Variants in CLUAP1 observed in about 807,000 individuals in gnomAD.
The protein encoded by CLUAP1 is clusterin-associated protein 1.
In CLUAP1, 50 loss-of-function variants were observed where a neutral mutation model predicts 55.0. The ratio of observed to expected loss-of-function variants is 0.91; its 90% confidence interval spans 0.72 to 1.15. The LOEUF is 1.15. CLUAP1 is among the 50% of genes most tolerant of loss of function. The pLI is 0.00. For missense variants in CLUAP1, 530 were observed against 507.6 expected, an observed-to-expected ratio of 1.04 and a Z score of -0.42; for synonymous variants, 195 against 175.4, an observed-to-expected ratio of 1.11 and a Z score of -0.88.
In CLUAP1 at chr16:3,523,255, C is replaced by A. The variant is rs2037875273; in HGVS notation, c.811C>A (p.Gln271Lys). Residue 271 changes from glutamine (Q) to lysine (K), a missense_variant, in exon 8 of 12, where the codon CAA (glutamine) becomes AAA (lysine). Gln to Lys is a moderately conservative substitution (Grantham distance 53). Transcript: ENST00000576634. ...EKFQNLTYLE[Q>K]QLEDHHRMEQ... ...ATTTCAAAATCTGACTTATCTGGAA[C>A]AACAGCTTGAAGACCATCATAGGAT... 1 of 1,613,758 alleles carries A rather than the reference C, an allele frequency of 6.2e-7. No individual in the cohort carries two copies. The highest frequency in any genetic ancestry group is 1.7e-5 in the Admixed American group (1 of 59,928).
chr16:3,501,406 A>C (rs1197999016), intron 1 of CLUAP1, among the ~76,000 whole-genome samples: 1 of 152,274 alleles, frequency 6.6e-6, no homozygotes. Flanking sequence ...GTGTAGCTGC[A>C]TGCCGCTCTT....
At chr16:3,521,804 C>CA (rs2037841373) in intron 7 of CLUAP1, among the ~76,000 whole-genome samples, 1 of 151,614 alleles carries the variant, frequency 6.6e-6, no homozygotes, top group South Asian at 2.1e-4. Context: ...TCTATAATCC[C>CA]AGCACTTTGA....
rs755785058 is a variant in CLUAP1, at chr16:3,508,427, G to A, written c.358G>A (p.Glu120Lys). Residue 120 changes from glutamate (E) to lysine (K), a missense_variant, in exon 4 of 12, where the codon GAG becomes AAG. Coordinates refer to ENST00000576634, the MANE Select transcript of CLUAP1 (RefSeq NM_015041.3). ...TKGMEGSEIV[E>K]EDVNKFKFDL... Reference sequence around the variant, plus strand: ...GGGGATGGAGGGCTCTGAAATAGTAGAGGAAGATGTCAACAAGTTCAAGTT... The same window carrying A: ...GGGGATGGAGGGCTCTGAAATAGTAAAGGAAGATGTCAACAAGTTCAAGTT... The A allele has an allele frequency of 1.3e-6, 2 of 1,587,512 alleles. No homozygotes were observed. The highest frequency in any genetic ancestry group is 3.3e-4 in the Middle Eastern group (2 of 6,028).
In CLUAP1 at chr16:3,515,550, G is replaced by A. The variant is rs1011011156; in HGVS notation, c.538G>A (p.Glu180Lys). Residue 180 changes from glutamate to lysine, a missense_variant, in exon 6 of 12, where the codon GAG becomes AAG. Physicochemically the swap from Glu to Lys is moderately conservative, Grantham distance 56. Transcript: ENST00000576634. ...CATTGCCAGACCTCTGGAAATAAAC[G>A]AGACTGAAAAAGTGATGAGAATTGC... ...EAIARPLEIN[E>K]TEKVMRIAIK... The A allele has an allele frequency of 1.4e-5, 22 of 1,600,678 alleles. No homozygotes were observed. The highest frequency in any genetic ancestry group is 1.7e-4 in the Middle Eastern group (1 of 6,030).
chr16:3,521,243 A>G (rs897520965), intron 7 of CLUAP1, among the ~76,000 whole-genome samples: 2 of 152,006 alleles, frequency 1.3e-5, no homozygotes, highest in African/African-American at 2.4e-5. Context: ...TAAAGCATCA[A>G]TTCATTTTTG....
chr16:3,534,765 G>A (rs1383856322), intron 11 of CLUAP1: 1 of 152,268 alleles, frequency 6.6e-6, no homozygotes, highest in East Asian at 1.9e-4. Context: ...TCTGAGATGG[G>A]GCCGACTTGA....
upstream of CLUAP1, among the ~76,000 whole-genome samples, chr16:3,500,177 G>A (rs2037359951): frequency 6.6e-6 from 1 of 152,130 alleles, no homozygotes; most frequent in Non-Finnish European, 1.5e-5. Context: ...CGGGACCCGC[G>A]CGGCGCGAGC....
chr16:3,495,500 T>C, the CLUAP1 span: 63 of 1,563,474 alleles, frequency 4.0e-5, no homozygotes, highest in East Asian at 1.2e-3. Flanking sequence ...AGGGGGTACA[T>C]TGGCAGGTCT....
Position 3,536,460 on chromosome 16 carries a change from CA to C in CLUAP1, c.*192del. 1.8e-6 allele frequency: 1 copy of C among 550,662 alleles called. No homozygotes were observed. The highest frequency in any genetic ancestry group is 3.0e-5 in the East Asian group (1 of 33,312). 34.1% of individuals were successfully genotyped at this position (550,662 alleles called of 1,614,324 possible). On this transcript the variant is annotated 3_prime_UTR_variant, in exon 12 of 12. Transcript: ENST00000576634. ...CATGAAGCTTAAATAAGAATTGAAG[CA>C]AATCCCTAAGATTTATTTTTTTCCA...
chr16:3,530,334 G>C, intron 9 of CLUAP1: 1 of 443,554 alleles, frequency 2.3e-6, no homozygotes, highest in Non-Finnish European at 4.1e-6. Context: ...GGTCTGTATT[G>C]GTTTGAGTTG....
intron 1 of CLUAP1, among the ~76,000 whole-genome samples, chr16:3,501,492 C>T (rs2037400906): frequency 6.6e-6 from 1 of 152,122 alleles, no homozygotes; most frequent in Admixed American, 6.5e-5. Flanking sequence ...CTTAGAAAAC[C>T]GAACAGCAGG....
intron 4 of CLUAP1, among the ~76,000 whole-genome samples, chr16:3,509,711 C>T (rs547895177): frequency 9.2e-5 from 14 of 152,378 alleles, no homozygotes; most frequent in Non-Finnish European, 1.3e-4. Flanking sequence ...AACCACAGTG[C>T]ACTGGCTGAG....
Position 3,529,533 on chromosome 16 carries a change from GTTATATATTATTATATA to G in CLUAP1, c.929-1006_929-990del, listed in dbSNP as rs1165980583. ...ATTATATAATTATATATTATTATAT[GTTATATATTATTATATA>G]TTATATATTATTATATATTATATAT... On this transcript the variant is annotated intron_variant, in intron 9 of 11. Transcript: ENST00000576634. Among the ~76,000 whole-genome samples, 237 of 36,658 alleles carry G rather than the reference GTTATATATTATTATATA, an allele frequency of 6.5e-3. 8 individuals carry two copies. Among genetic ancestry groups the G allele is most frequent in the African/African-American group, 0.027 (187 of 6,872 alleles). 24.0% of individuals were successfully genotyped at this position (36,658 alleles called of 152,430 possible). A position where few individuals can be genotyped will look rare whatever the true frequency, so the allele number is the denominator to read the frequency against.
At chr16:3,523,340 G>A in intron 8 of CLUAP1, 41 bp downstream of exon 8, 3 of 1,571,698 alleles carry the variant, frequency 1.9e-6, no homozygotes, top group East Asian at 2.3e-5. Flanking sequence ...TCCTTCTGGT[G>A]TGTTATTTTG....
chr16:3,534,440 T>C (rs2038191912), intron 11 of CLUAP1: 1 of 152,812 alleles, frequency 6.5e-6, no homozygotes, highest in Non-Finnish European at 1.5e-5. Context: ...CATGCAGAGC[T>C]TTGCAGGGTG....
rs769586346 is a variant in CLUAP1, at chr16:3,508,348, G to A, written c.279G>A (p.Ala93=). The A allele has an allele frequency of 2.8e-5, 45 of 1,609,616 alleles. 1 individual carries two copies. The highest frequency in any genetic ancestry group is 1.9e-4 in the South Asian group (17 of 89,924). Residue 93 remains alanine (A), a synonymous_variant, in exon 4 of 12, where the codon GCG becomes GCA. Coordinates refer to ENST00000576634, the MANE Select transcript of CLUAP1 (RefSeq NM_015041.3). ...AGCTTTATCAAGCAGATGGGTATGC[G>A]GTAAAAGAGCTGCTGAAGATCACAT... The part of the protein sequence containing the change: ...TKKLYQADGY[A]VKELLKITSV...
In CLUAP1 at chr16:3,536,975, G is replaced by A. The variant is rs1359360209; in HGVS notation, c.*704G>A. Reference sequence around the variant, plus strand: ...GCAGTCCAGTTCACCTTGGATTACAGCCACCTTCATGTTTCCACGGTTGGT... The same window carrying A: ...GCAGTCCAGTTCACCTTGGATTACAACCACCTTCATGTTTCCACGGTTGGT... On this transcript the variant is annotated 3_prime_UTR_variant, in exon 12 of 12. Transcript: ENST00000576634. 1 of 152,170 alleles carries A rather than the reference G, an allele frequency of 6.6e-6. No individual in the cohort carries two copies. Among genetic ancestry groups the A allele is most frequent in the Non-Finnish European group, 1.5e-5 (1 of 68,048 alleles). 9.4% of individuals were successfully genotyped at this position (152,170 alleles called of 1,614,324 possible).
intron 9 of CLUAP1, among the ~76,000 whole-genome samples, chr16:3,529,462 A>ATT (rs2038017768): frequency 2.1e-4 from 16 of 77,750 alleles, no homozygotes; most frequent in Non-Finnish European, 3.4e-4. Context: ...TATTATATAT[A>ATT]ATATATATTA....
chr16:3,512,594 TA>T, intron 5 of CLUAP1, 116 bp downstream of exon 5: 2 of 765,262 alleles, frequency 2.6e-6, no homozygotes, highest in South Asian at 3.4e-5. Context: ...TTGAATGAGC[TA>T]ATGTGTGGAA....
Sources: allele counts gnomAD v4.1 joint callset (sites outside exome capture counted in the v4.1 genomes callset), GRCh38; gene constraint gnomAD v4.1.1; transcripts MANE v1.5; gene names NCBI Gene and HGNC (gene_info 2026-07-23, HGNC 2026-07-21).